The following KLHL12 variants were observed in gnomAD, a reference collection of about 807,000 sequenced individuals.
KLHL12 encodes the protein kelch-like protein 12.
A neutral mutation model predicts 60.8 loss-of-function variants in KLHL12; 17 were observed. The observed-to-expected ratio is 0.28, with a 90% CI of 0.19 to 0.42. The LOEUF is 0.42. Among genes scored for constraint, KLHL12 ranks in the 10% least tolerant of loss-of-function variants. The pLI, the probability that KLHL12 is intolerant of heterozygous loss-of-function variation, is 1.00. For missense variants in KLHL12, 468 were observed against 722.3 expected, an observed-to-expected ratio of 0.65 and a Z score of 4.04; for synonymous variants, 220 against 250.9, an observed-to-expected ratio of 0.88 and a Z score of 1.16.
At position 202,892,309 on chromosome 1, in the gene KLHL12, C is replaced by G; in HGVS notation, c.*224G>C. On this transcript the variant is annotated 3_prime_UTR_variant, in exon 12 of 12. Transcript: ENST00000367261. ...GGCAATGTGGTCTCTCACATCCATT[C>G]AATGTGCATTCTTTTTCCTGGAATA... 1.9e-6 allele frequency: 1 copy of G among 513,338 alleles called. No individual in the cohort carries two copies. The highest frequency in any genetic ancestry group is 3.5e-6 in the Non-Finnish European group (1 of 288,792). 31.8% of individuals were successfully genotyped at this position (513,338 alleles called of 1,614,324 possible). A position where few individuals can be genotyped will look rare whatever the true frequency, so the allele number is the denominator to read the frequency against.
chr1:202,903,992 G>GTATC (rs566027420), intron 6 of KLHL12, among the ~76,000 whole-genome samples: 1,564 of 141,582 alleles, frequency 0.011, 20 homozygotes, highest in African/African-American at 0.035. Context: ...ATCTATCTAT[G>GTATC]TATCTATCTA....
At chr1:202,911,419 A>T (rs58045648) in intron 4 of KLHL12, among the ~76,000 whole-genome samples, 37,920 of 150,726 alleles carry the variant, frequency 0.25, 5,064 homozygotes, top group East Asian at 0.43. Flanking sequence ...TTAAAAAAAA[A>T]ATATATATAT....
intron 1 of KLHL12, among the ~76,000 whole-genome samples, chr1:202,925,968 G>A (rs574481959): frequency 1.3e-5 from 2 of 151,948 alleles, no homozygotes; most frequent in Non-Finnish European, 2.9e-5. Flanking sequence ...AGCCAGGCGT[G>A]GTGATGCGCG....
rs907809892 is a variant in KLHL12, at chr1:202,918,620, G to C, written c.350-232C>G. On this transcript the variant is annotated intron_variant, in intron 3 of 11. Transcript: ENST00000367261. ...CCTGTCTCTGCTTAATCTTTAAAATGAGTATTGCAAGATGAATCACATCCA... is the reference window on the plus strand; with the variant it reads ...CCTGTCTCTGCTTAATCTTTAAAATCAGTATTGCAAGATGAATCACATCCA... 3.3e-5 allele frequency among the ~76,000 whole-genome samples: 5 copies of C among 152,192 alleles called. 1 individual carries two copies. The highest frequency in any genetic ancestry group is 7.3e-5 in the Non-Finnish European group (5 of 68,042).
At chr1:202,902,169 C>T (rs574015398) in intron 6 of KLHL12, among the ~76,000 whole-genome samples, 3 of 152,244 alleles carry the variant, frequency 2.0e-5, no homozygotes, top group Middle Eastern at 3.4e-3. Context: ...CAGTGGCTAG[C>T]GCCTGTAATC....
At chr1:202,892,804 G>A (rs1659718807) in intron 11 of KLHL12, 145 bp from the exon 12 acceptor site, 1 of 706,902 alleles carries the variant, frequency 1.4e-6, no homozygotes, top group Non-Finnish European at 2.3e-6. Context: ...AACATGGTGA[G>A]ACCCTGTCTC....
chr1:202,910,527 G>A (rs917219741), intron 5 of KLHL12, among the ~76,000 whole-genome samples: 1 of 152,146 alleles, frequency 6.6e-6, no homozygotes, highest in Non-Finnish European at 1.5e-5. Flanking sequence ...ATGCTCCCTC[G>A]AAGTATGGTC....
At chr1:202,922,428 G>A (rs767290300) in intron 2 of KLHL12, among the ~76,000 whole-genome samples, 19 of 144,608 alleles carry the variant, frequency 1.3e-4, no homozygotes, top group African/African-American at 3.1e-4. Context: ...TTAGCCAGGC[G>A]TCAAGGAAAA....
rs184599585 is a variant in KLHL12 at position 202,900,422 on chromosome 1, T to C, written c.833-3462A>G. ...AAAAATAGCCAGGTGTGATGGCAAA[T>C]GCCTGTAGTCCCAGCTACTCCTGAG... On this transcript the variant is annotated intron_variant, in intron 6 of 11. Transcript: ENST00000367261. Among the ~76,000 whole-genome samples, 17 of 151,776 alleles carry C rather than the reference T, an allele frequency of 1.1e-4. No homozygotes were observed. In the East Asian group the frequency reaches 3.3e-3, roughly 29 times the overall value.
chr1:202,907,083 T>G (rs542187499), intron 6 of KLHL12, among the ~76,000 whole-genome samples: 8 of 152,318 alleles, frequency 5.3e-5, no homozygotes, highest in African/African-American at 1.9e-4. Flanking sequence ...CAATCTATCT[T>G]GTGTTGATAT....
At chr1:202,908,361 CAT>C (rs1346637713) in intron 6 of KLHL12, among the ~76,000 whole-genome samples, 6 of 152,198 alleles carry the variant, frequency 3.9e-5, no homozygotes, top group African/African-American at 7.2e-5. Flanking sequence ...AGCTAATACA[CAT>C]AGTTATTATG....
intron 2 of KLHL12, among the ~76,000 whole-genome samples, chr1:202,924,219 C>G (rs1653394000): frequency 6.6e-6 from 1 of 152,154 alleles, no homozygotes; most frequent in Non-Finnish European, 1.5e-5. Flanking sequence ...CTCAAGCCAA[C>G]CTTTTCCTAA....
intron 4 of KLHL12, among the ~76,000 whole-genome samples, chr1:202,916,272 C>T (rs887200730): frequency 1.3e-5 from 2 of 152,220 alleles, no homozygotes; most frequent in African/African-American, 4.8e-5. Flanking sequence ...CAGTTGGAAC[C>T]AATGTGACCA....
At chr1:202,917,172 C>T (rs138663321) in intron 4 of KLHL12, among the ~76,000 whole-genome samples, 260 of 152,226 alleles carry the variant, frequency 1.7e-3, no homozygotes, top group African/African-American at 5.8e-3. Context: ...TCACTGAATG[C>T]CTGCCTGGCA....
At position 202,918,417 on chromosome 1, in the gene KLHL12, T is replaced by C. The variant is rs778553825; in HGVS notation, c.350-29A>G. 2.1e-5 allele frequency: 32 copies of C among 1,547,128 alleles called. No individual in the cohort carries two copies. The African/African-American group carries it at 2.4e-4, about 12-fold the overall frequency. On this transcript the variant is annotated intron_variant, in intron 3 of 11. Coordinates refer to ENST00000367261, the MANE Select transcript of KLHL12 (RefSeq NM_021633.4). ...GGACAGACACAGGCAGCAAACACTT[T>C]AGAATAGTTGGACAGGTGTGATCTA...
chr1:202,893,280 T>C lies in KLHL12; in HGVS notation c.1539A>G (p.Val513=). The C allele has an allele frequency of 6.2e-7, 1 of 1,612,372 alleles. No individual in the cohort carries two copies. The highest frequency in any genetic ancestry group is 2.2e-5 in the East Asian group (1 of 44,842). The change falls in exon 11 of 12, where the codon GTA becomes GTG. Residue 513 remains valine, a synonymous_variant. Transcript: ENST00000367261. The surrounding 1 kb of genome is among the most constrained non-coding windows in gnomAD (Gnocchi z 4.1). ...VTSMTTPRCY[V]GATVLRGRLY... is the part of the protein sequence containing the mutation. Reference sequence around the variant, plus strand: ...GTCTCCCCCGAAGCACTGTGGCCCCTACATAGCATCGTGGAGTGGTCATAC... The same window carrying C: ...GTCTCCCCCGAAGCACTGTGGCCCCCACATAGCATCGTGGAGTGGTCATAC...
Position 202,894,238 on chromosome 1 carries a change from C to T in KLHL12, c.1339G>A (p.Asp447Asn), listed in dbSNP as rs868364713. ...LNILNSVEKY[D>N]PHTGHWTNVT... is the part of the protein sequence containing the mutation. ...TTAGTCCAATGTCCTGTATGAGGGTCGTATTTCTCAACTGAATTTAAGATA... is the reference window on the plus strand; with the variant it reads ...TTAGTCCAATGTCCTGTATGAGGGTTGTATTTCTCAACTGAATTTAAGATA... Residue 447 changes from aspartate (D) to asparagine (N), a missense_variant, in exon 10 of 12, where the codon GAC (aspartate) becomes AAC (asparagine). Around this residue, in one of 4 missense-constraint regions of KLHL12, gnomAD observed 339 missense variants for 525.0 expected, o/e 0.65. Transcript: ENST00000367261. 6.4e-6 allele frequency: 10 copies of T among 1,558,062 alleles called. No individual in the cohort carries two copies. Among genetic ancestry groups the T allele is most frequent in the African/African-American group, 5.4e-5 (4 of 73,596 alleles).
intron 6 of KLHL12, among the ~76,000 whole-genome samples, chr1:202,906,220 A>G (rs1660182395): frequency 6.7e-6 from 1 of 149,636 alleles, no homozygotes; most frequent in South Asian, 2.1e-4. Context: ...TAGGAGGCTG[A>G]GGTGGGCGGA....
At chr1:202,922,897 C>T (rs1660741880) in intron 2 of KLHL12, among the ~76,000 whole-genome samples, 1 of 151,296 alleles carries the variant, frequency 6.6e-6, no homozygotes, top group Admixed American at 6.6e-5. Context: ...CCCAGGTCCT[C>T]CTGCCTCAGT....
Sources: allele counts gnomAD v4.1 joint callset (sites outside exome capture counted in the v4.1 genomes callset), GRCh38; gene constraint gnomAD v4.1.1; regional missense constraint gnomAD v4.1.1; non-coding constraint Gnocchi (gnomAD v3.1); transcripts MANE v1.5; gene names NCBI Gene and HGNC (gene_info 2026-07-23, HGNC 2026-07-21).